CACNA2D1: variants seen among roughly 807,000 people sequenced by gnomAD.
CACNA2D1 encodes the protein calcium voltage-gated channel auxiliary subunit alpha2delta 1.
CACNA2D1 carries 53 observed loss-of-function variants against 171.5 expected under a neutral mutation model. The ratio of observed to expected loss-of-function variants is 0.31; its 90% CI spans 0.25 to 0.39. CACNA2D1 has a LOEUF of 0.39. CACNA2D1 is among the 10% of genes least tolerant of loss of function. The pLI, the probability that CACNA2D1 is intolerant of heterozygous loss-of-function variation, is 1.00. For synonymous variants in CACNA2D1, 442 were observed against 443.1 expected (o/e 1.00, Z 0.03); for missense variants, 903 against 1,299.8 (o/e 0.69, Z 4.69).
intron 3 of CACNA2D1, among the ~76,000 whole-genome samples, chr7:82,268,884 T>C (rs916546266): frequency 2.0e-5 from 3 of 152,176 alleles, no homozygotes; most frequent in Non-Finnish European, 2.9e-5. Context: ...GAGCTCCCGA[T>C]GTACAAGAGA....
intron 4 of CACNA2D1, among the ~76,000 whole-genome samples, chr7:82,138,513 C>T (rs1239869173): frequency 1.4e-5 from 2 of 144,236 alleles, no homozygotes; most frequent in Non-Finnish European, 3.0e-5. Context: ...GTGGCGCGAT[C>T]TCGGCTCACT....
Position 82,303,058 on chromosome 7 carries a change from A to G in CACNA2D1, c.294+32077T>C, listed in dbSNP as rs570437089. On this transcript the variant is annotated intron_variant, in intron 3 of 38. Transcript: ENST00000356860. ...GCCCAGGCTGGAGTGCAGTGGTGCG[A>G]TCTCGGCTCACTGCAAGCTCCGCCT... Among the ~76,000 whole-genome samples, 15 of 152,136 alleles carry G rather than the reference A, an allele frequency of 9.9e-5. No individual in the cohort carries two copies. In the East Asian group the frequency reaches 2.9e-3, roughly 30 times the overall value.
At chr7:82,293,526 G>A (rs1229813052) in intron 3 of CACNA2D1, among the ~76,000 whole-genome samples, 1 of 152,174 alleles carries the variant, frequency 6.6e-6, no homozygotes, top group Non-Finnish European at 1.5e-5. Flanking sequence ...CCTCTCTTGT[G>A]CCAATAGCTG....
intron 1 of CACNA2D1, among the ~76,000 whole-genome samples, chr7:82,351,383 G>C (rs1819828018): frequency 6.6e-6 from 1 of 151,786 alleles, no homozygotes; most frequent in South Asian, 2.1e-4. Flanking sequence ...TTAAAAGAAT[G>C]ATGAGCTGAT....
chr7:82,178,175 T>C (rs1796748621), intron 3 of CACNA2D1, among the ~76,000 whole-genome samples: 1 of 152,142 alleles, frequency 6.6e-6, no homozygotes, highest in African/African-American at 2.4e-5. Flanking sequence ...TTTCGCCTCA[T>C]AGCTTCTGGA....
Position 82,402,727 on chromosome 7 carries a change from AAAAAAG to A in CACNA2D1, c.95+40632_95+40637del, listed in dbSNP as rs1328210294. ...TCTCAAAAAAAAAAAAAAAAAAAAAAAAAAAGAAGAAGAAGTAAAATAGGTTGAGGT... is the reference window on the plus strand; with the variant it reads ...TCTCAAAAAAAAAAAAAAAAAAAAAAAAGAAGAAGTAAAATAGGTTGAGGT... On this transcript the variant is annotated intron_variant, in intron 1 of 38. Transcript: ENST00000356860. 3.0e-3 allele frequency among the ~76,000 whole-genome samples: 448 copies of A among 149,942 alleles called. 3 individuals are homozygous for A. Among genetic ancestry groups the A allele is most frequent in the African/African-American group, 0.01 (412 of 40,498 alleles).
At chr7:82,215,069 T>G (rs1188195126) in intron 3 of CACNA2D1, among the ~76,000 whole-genome samples, 1 of 152,150 alleles carries the variant, frequency 6.6e-6, no homozygotes, top group African/African-American at 2.4e-5. Context: ...TCTTAAAGCT[T>G]GAAATTTACA....
chr7:82,338,005 C>CA (rs541674148), intron 2 of CACNA2D1, among the ~76,000 whole-genome samples: 1 of 151,794 alleles, frequency 6.6e-6, no homozygotes, highest in African/African-American at 2.4e-5. Context: ...GTGAGATAGC[C>CA]AAAAAAACCA....
At chr7:82,429,962 C>T (rs1441339400) in intron 1 of CACNA2D1, among the ~76,000 whole-genome samples, 1 of 152,114 alleles carries the variant, frequency 6.6e-6, no homozygotes, top group Non-Finnish European at 1.5e-5. Context: ...CTTCATATGG[C>T]CCATTTGTTT....
chr7:82,302,221 G>A (rs953698040), intron 3 of CACNA2D1, among the ~76,000 whole-genome samples: 1 of 151,948 alleles, frequency 6.6e-6, no homozygotes, highest in African/African-American at 2.4e-5. Context: ...TATAAAAAAT[G>A]TTTTATGTAT....
At chr7:82,309,242 C>A (rs1281857127) in intron 3 of CACNA2D1, among the ~76,000 whole-genome samples, 1 of 151,944 alleles carries the variant, frequency 6.6e-6, no homozygotes, top group Non-Finnish European at 1.5e-5. Flanking sequence ...CCTGTCTCTA[C>A]TAAAAATATA....
chr7:82,187,136 T>A (rs1044428656), intron 3 of CACNA2D1, among the ~76,000 whole-genome samples: 4 of 152,152 alleles, frequency 2.6e-5, no homozygotes, highest in African/African-American at 9.7e-5. Context: ...TCATATAAAA[T>A]CTGGCATTTG....
At chr7:82,217,150 T>A (rs1200770585) in intron 3 of CACNA2D1, among the ~76,000 whole-genome samples, 1 of 151,762 alleles carries the variant, frequency 6.6e-6, no homozygotes, top group African/African-American at 2.4e-5. Context: ...TGTGAGTAAA[T>A]TTTTAATTTG....
chr7:82,003,325 T>A (rs1476909041), intron 18 of CACNA2D1, among the ~76,000 whole-genome samples: 1 of 152,070 alleles, frequency 6.6e-6, no homozygotes, highest in African/African-American at 2.4e-5. Context: ...TATAAAGATA[T>A]GCAAAGCTAA....
intron 3 of CACNA2D1, among the ~76,000 whole-genome samples, chr7:82,225,118 G>T (rs1459592928): frequency 6.6e-6 from 1 of 152,088 alleles, no homozygotes; most frequent in East Asian, 1.9e-4. Flanking sequence ...TAAAATGACA[G>T]AAATATTAGG....
At chr7:82,318,321 C>T (rs1815358357) in intron 3 of CACNA2D1, among the ~76,000 whole-genome samples, 2 of 152,240 alleles carry the variant, frequency 1.3e-5, no homozygotes, top group South Asian at 4.1e-4. Context: ...ACTACATATG[C>T]TGTAATATCT....
chr7:82,398,697 C>T (rs1389744489), intron 1 of CACNA2D1, among the ~76,000 whole-genome samples: 2 of 151,820 alleles, frequency 1.3e-5, no homozygotes, highest in African/African-American at 4.8e-5. Flanking sequence ...CCCACTTCAG[C>T]CTCCCGAGTA....
intron 3 of CACNA2D1, among the ~76,000 whole-genome samples, chr7:82,295,234 G>T (rs116928843): frequency 6.6e-6 from 1 of 151,324 alleles, no homozygotes; most frequent in Non-Finnish European, 1.5e-5. Context: ...TTGATCAAAA[G>T]GTATAAAATT....
chr7:82,335,270 A>G lies in CACNA2D1; in HGVS notation c.178-19T>C, dbSNP rs750697000. 1 of 1,397,498 alleles carries G rather than the reference A, an allele frequency of 7.2e-7. No homozygotes were observed. Among genetic ancestry groups the G allele is most frequent in the Non-Finnish European group, 1.0e-6 (1 of 984,134 alleles). The allele number at this position is 1,397,498 out of a possible 1,614,324, so 86.6% of individuals were successfully genotyped here. On this transcript the variant is annotated intron_variant, in intron 2 of 38. Coordinates refer to ENST00000356860, the MANE Select transcript of CACNA2D1 (RefSeq NM_000722.4). The stretch of plus-strand genomic sequence containing the variant: ...CATAAATCTGTGTGAAAGAAAAAAA[A>G]AACTAGTAAGAACAATAGTTACTTA...
Sources: allele counts gnomAD v4.1 joint callset (sites outside exome capture counted in the v4.1 genomes callset), GRCh38; gene constraint gnomAD v4.1.1; transcripts MANE v1.5; gene names NCBI Gene and HGNC (gene_info 2026-07-23, HGNC 2026-07-21).